RARG: variants seen among roughly 807,000 people sequenced by gnomAD.
RARG encodes the protein RAR-gamma.
A neutral mutation model predicts 43.7 loss-of-function variants in RARG; 17 were observed. The ratio of observed to expected loss-of-function variants is 0.39; its 90% CI spans 0.27 to 0.58. The LOEUF is 0.58. Among genes scored for constraint, RARG ranks in the 20% least tolerant of loss-of-function variants. The probability of loss-of-function intolerance (pLI) is 0.57; values close to 1 mark genes in which losing one functional copy is unlikely to be tolerated. For synonymous variants in RARG, 238 were observed against 236.4 expected (o/e 1.01, Z -0.06); for missense variants, 346 against 598.7 (o/e 0.58, Z 4.40).
At position 53,213,521 on chromosome 12, in the gene RARG, G is replaced by A; in HGVS notation, c.993C>T (p.Leu331=). Residue 331 remains leucine (L), a synonymous_variant, in exon 8 of 10, where the codon CTC becomes CTT. Transcript: ENST00000425354. This position sits in a 1 kb window ranked among gnomAD's most constrained non-coding sequence, Gnocchi z 4.7. ...CTCCGCAGATGAGGCAGATGGCGCTGAGCAGCCCTGTCTCGGTGTCATCCA... is the reference window on the plus strand; with the variant it reads ...CTCCGCAGATGAGGCAGATGGCGCTAAGCAGCCCTGTCTCGGTGTCATCCA... The part of the protein sequence containing the change: ...LEMDDTETGL[L]SAICLICGDR... 2 of 1,613,900 alleles carry A rather than the reference G, an allele frequency of 1.2e-6. No homozygotes were observed. The highest frequency in any genetic ancestry group is 1.7e-6 in the Non-Finnish European group (2 of 1,180,026).
intron 3 of RARG, chr12:53,219,970 G>T: frequency 6.6e-7 from 1 of 1,516,208 alleles, no homozygotes; most frequent in Non-Finnish European, 8.9e-7. Context: ...GGCGGGTTGC[G>T]GCCAGGCAAA....
intron 3 of RARG, chr12:53,220,402 G>A: frequency 1.3e-5 from 2 of 149,182 alleles, no homozygotes; most frequent in Non-Finnish European, 2.7e-5. Context: ...GAGGGGTGGG[G>A]GGTGGGGCTT....
At chr12:53,219,348 G>T (rs921368727) in intron 3 of RARG, among the ~76,000 whole-genome samples, 1 of 152,166 alleles carries the variant, frequency 6.6e-6, no homozygotes, top group Non-Finnish European at 1.5e-5. Context: ...CACCCGGCAT[G>T]AGAACACACA....
chr12:53,213,746 G>A lies in RARG; in HGVS notation c.814-46C>T, dbSNP rs1942676987. ...AGGGTTAGTGCTGTTTCTGGGGGAT[G>A]GGGAAAAGAGGGAATGAGTGGAAAG... On this transcript the variant is annotated intron_variant, in intron 7 of 9. Coordinates refer to ENST00000425354, the MANE Select transcript of RARG (RefSeq NM_000966.6). The surrounding 1 kb of genome is among the most constrained non-coding windows in gnomAD (Gnocchi z 4.7). 1 of 1,518,930 alleles carries A rather than the reference G, an allele frequency of 6.6e-7. No individual in the cohort carries two copies. The allele number at this position is 1,518,930 out of a possible 1,614,324, so 94.1% of individuals were successfully genotyped here. A position where few individuals can be genotyped will look rare whatever the true frequency, so the allele number is the denominator to read the frequency against.
chr12:53,214,303 T>C (rs2120617738), intron 6 of RARG, 68 bp from the exon 7 acceptor site: 1 of 1,549,380 alleles, frequency 6.5e-7, no homozygotes, highest in Non-Finnish European at 8.9e-7. Context: ...GTCTTCTCTC[T>C]ACCAATATCC....
At chr12:53,221,564 CTG>C (rs1317026127) in intron 3 of RARG, among the ~76,000 whole-genome samples, 1 of 152,252 alleles carries the variant, frequency 6.6e-6, no homozygotes, top group African/African-American at 2.4e-5. Flanking sequence ...GGCCGCAACA[CTG>C]TTCCCTGGGT....
chr12:53,223,182 T>A (rs1017127367), intron 3 of RARG, among the ~76,000 whole-genome samples: 8 of 152,160 alleles, frequency 5.3e-5, no homozygotes, highest in African/African-American at 1.9e-4. Flanking sequence ...ACCTTCTGGA[T>A]GGGGCTTGAG....
intron 3 of RARG, among the ~76,000 whole-genome samples, chr12:53,216,462 T>C (rs999923644): frequency 1.3e-5 from 2 of 151,232 alleles, no homozygotes; most frequent in Admixed American, 1.3e-4. Flanking sequence ...GGGGAGTGAG[T>C]GAGAGGATGC....
intron 3 of RARG, among the ~76,000 whole-genome samples, chr12:53,221,066 ACCC>A (rs1194373205): frequency 6.7e-6 from 1 of 149,006 alleles, no homozygotes; most frequent in Non-Finnish European, 1.5e-5. Flanking sequence ...CTCTCTGGGA[ACCC>A]CCCTCGGGGC....
rs997678433 is a variant in RARG at position 53,227,190 on chromosome 12, A to G, written c.184+172T>C. 1.3e-5 allele frequency among the ~76,000 whole-genome samples: 2 copies of G among 151,948 alleles called. No individual in the cohort carries two copies. Among genetic ancestry groups the G allele is most frequent in the African/African-American group, 4.8e-5 (2 of 41,318 alleles). The stretch of plus-strand genomic sequence containing the variant: ...AACACTTCCATTGAGTCCACATCCA[A>G]ACTCCTTCCTCACCACCACTACCAC... On this transcript the variant is annotated intron_variant, in intron 3 of 9. Coordinates refer to ENST00000425354, the MANE Select transcript of RARG (RefSeq NM_000966.6). This position sits in a 1 kb window ranked among gnomAD's most constrained non-coding sequence, Gnocchi z 4.3.
intron 3 of RARG, among the ~76,000 whole-genome samples, chr12:53,222,248 GAGAAAGAAAGA>G (rs986080472): frequency 1.2e-4 from 12 of 98,584 alleles, no homozygotes; most frequent in Non-Finnish European, 1.1e-4. Flanking sequence ...AGAAAAGAAA[GAGAAAGAAAGA>G]AGAAAGAAAA....
chr12:53,214,833 G>A (rs563629945), intron 5 of RARG: 24 of 506,842 alleles, frequency 4.7e-5, no homozygotes, highest in East Asian at 4.7e-4. Flanking sequence ...CAGGCCATTC[G>A]GCTCCATCCT....
chr12:53,222,203 C>T (rs1942986308), intron 3 of RARG, among the ~76,000 whole-genome samples: 1 of 118,932 alleles, frequency 8.4e-6, no homozygotes, highest in Admixed American at 8.6e-5. Context: ...TCCAGTCACC[C>T]GAACCCCACA....
rs1942700269 is a variant in RARG, at chr12:53,214,464, C to A, written c.618G>T (p.Gln206His). Residue 206 changes from glutamine to histidine, a missense_variant, in exon 6 of 10, where the codon CAG (glutamine) becomes CAT (histidine). By Grantham distance (24) the Gln-to-His change is conservative. Coordinates refer to ENST00000425354, the MANE Select transcript of RARG (RefSeq NM_000966.6). ...AHQETFPSLCQLGKYTTNSSA... is the reference protein window; with the variant it reads ...AHQETFPSLCHLGKYTTNSSA... ...TCCTCACCGTGGTATACTTGCCCAG[C>A]TGGCAGAGCGAGGGGAAAGTCTCCT... The A allele has an allele frequency of 6.2e-7, 1 of 1,613,084 alleles. No individual in the cohort carries two copies.
At chr12:53,216,190 C>G (rs1300760569) in intron 3 of RARG, among the ~76,000 whole-genome samples, 1 of 152,154 alleles carries the variant, frequency 6.6e-6, no homozygotes, top group Non-Finnish European at 1.5e-5. Flanking sequence ...TCTAGTCACT[C>G]TCTGTCTCTT....
chr12:53,230,838 T>TGC (rs1943217935), intron 2 of RARG, among the ~76,000 whole-genome samples: 1 of 8,510 alleles, frequency 1.2e-4, no homozygotes, highest in African/African-American at 5.1e-4. Flanking sequence ...CCACAGTGCG[T>TGC]GTGTGTGTGT....
chr12:53,213,194 T>C lies in RARG; in HGVS notation c.1068A>G (p.Pro356=), dbSNP rs1386705538. The change falls in exon 9 of 10, where the codon CCA becomes CCG. Residue 356 remains proline, a synonymous_variant. Coordinates refer to ENST00000425354, the MANE Select transcript of RARG (RefSeq NM_000966.6). This position sits in a 1 kb window ranked among gnomAD's most constrained non-coding sequence, Gnocchi z 4.7. ...CGTACAGCCTCAGGGCTTCCAGCAG[T>C]GGCTCCTGCAGCTTGTCCACTTTTT... ...EPEKVDKLQE[P]LLEALRLYAR... is the part of the protein sequence containing the mutation. 1.2e-6 allele frequency: 2 copies of C among 1,606,908 alleles called. No individual in the cohort carries two copies. Among genetic ancestry groups the C allele is most frequent in the African/African-American group, 2.7e-5 (2 of 74,744 alleles).
chr12:53,215,018 C>T lies in RARG; in HGVS notation c.475+275G>A, dbSNP rs1255199914. On this transcript the variant is annotated intron_variant, in intron 5 of 9. Transcript: ENST00000425354. The surrounding 1 kb of genome is among the most constrained non-coding windows in gnomAD (Gnocchi z 6.4). ...GGAGGGAAAGGGACTGGCAAGCCCA[C>T]TGGCTTCATTTCCCCCATGAAACAG... 6.6e-6 allele frequency among the ~76,000 whole-genome samples: 1 copy of T among 152,206 alleles called. No homozygotes were observed. The highest frequency in any genetic ancestry group is 1.5e-5 in the Non-Finnish European group (1 of 68,024).
Position 53,213,070 on chromosome 12 carries a change from C to A in RARG, c.1177+15G>T, listed in dbSNP as rs1250617466. On this transcript the variant is annotated intron_variant, in intron 9 of 9. Coordinates refer to ENST00000425354, the MANE Select transcript of RARG (RefSeq NM_000966.6). This position sits in a 1 kb window ranked among gnomAD's most constrained non-coding sequence, Gnocchi z 4.7. The stretch of plus-strand genomic sequence containing the variant: ...CCCTGGGAAGACAGAGAGGGGACAC[C>A]CACTCATGACTCACCCTTAGTGCTG... 3 of 1,600,820 alleles carry A rather than the reference C, an allele frequency of 1.9e-6. No individual in the cohort carries two copies. The highest frequency in any genetic ancestry group is 1.3e-5 in the African/African-American group (1 of 74,522).
Sources: gnomAD v4.1 joint callset for allele counts (sites outside exome capture counted in the v4.1 genomes callset) on GRCh38, gnomAD v4.1.1 for gene constraint, Gnocchi (gnomAD v3.1) non-coding constraint, MANE v1.5 for transcripts, NCBI Gene and HGNC (gene_info 2026-07-23, HGNC 2026-07-21) for gene names.